RFX3: variants seen among roughly 807,000 people sequenced by gnomAD.
The protein encoded by RFX3 is regulatory factor X3.
A neutral mutation model predicts 98.6 loss-of-function variants in RFX3; 14 were observed. That is an observed-to-expected ratio of 0.14 (90% CI 0.09 to 0.22). The LOEUF is 0.22. Ranked by LOEUF, RFX3 falls within the 10% of genes least tolerant of loss-of-function variation. The pLI, the probability that RFX3 is intolerant of heterozygous loss-of-function variation, is 1.00. For synonymous variants in RFX3, 383 were observed against 328.4 expected (o/e 1.17, Z -1.80); for missense variants, 639 against 926.9 (o/e 0.69, Z 4.03).
intron 2 of RFX3, among the ~76,000 whole-genome samples, chr9:3,362,313 G>A: frequency 6.6e-6 from 1 of 152,094 alleles, no homozygotes; most frequent in East Asian, 1.9e-4. Context: ...ATATTGTATT[G>A]TTAATTTAAA....
intron 1 of RFX3, among the ~76,000 whole-genome samples, chr9:3,469,595 T>C (rs1467577306): frequency 1.3e-5 from 2 of 152,140 alleles, no homozygotes; most frequent in Non-Finnish European, 2.9e-5. Flanking sequence ...TATTATTTTC[T>C]TTGGAACAGC....
intron 1 of RFX3, among the ~76,000 whole-genome samples, chr9:3,493,522 A>C (rs1290176328): frequency 6.6e-6 from 1 of 151,588 alleles, no homozygotes; most frequent in Non-Finnish European, 1.5e-5. Flanking sequence ...ATCTCTACTA[A>C]AAATACAAAA....
chr9:3,490,173 T>G, intron 1 of RFX3: 1 of 247,574 alleles, frequency 4.0e-6, no homozygotes, highest in Non-Finnish European at 6.4e-6. Flanking sequence ...AAAAGAAAAT[T>G]ACTATTGAAA....
intron 1 of RFX3, among the ~76,000 whole-genome samples, chr9:3,399,422 C>A (rs749810812): frequency 6.7e-6 from 1 of 150,368 alleles, no homozygotes; most frequent in Non-Finnish European, 1.5e-5. Flanking sequence ...CCAGCCTGGG[C>A]GACAAGACCA....
chr9:3,257,752 G>T (rs1301549799), intron 13 of RFX3, among the ~76,000 whole-genome samples: 2 of 152,136 alleles, frequency 1.3e-5, no homozygotes, highest in East Asian at 3.8e-4. Context: ...ATATGGATTG[G>T]GAACAGAAAT....
intron 1 of RFX3, among the ~76,000 whole-genome samples, chr9:3,403,539 T>C (rs145966042): frequency 1.2e-4 from 19 of 152,290 alleles, no homozygotes; most frequent in African/African-American, 4.1e-4. Context: ...TGGTAACATA[T>C]ACAGGTTGGC....
At chr9:3,236,065 T>A (rs1199637168) in intron 15 of RFX3, among the ~76,000 whole-genome samples, 1 of 152,194 alleles carries the variant, frequency 6.6e-6, no homozygotes, top group African/African-American at 2.4e-5. Context: ...ATTTGGGACA[T>A]AGCAATTTTT....
intron 2 of RFX3, among the ~76,000 whole-genome samples, chr9:3,390,235 T>C (rs549763746): frequency 6.6e-6 from 1 of 152,182 alleles, no homozygotes; most frequent in South Asian, 2.1e-4. Context: ...GTTGGGGTGG[T>C]ACAGTAAATT....
intron 1 of RFX3, among the ~76,000 whole-genome samples, chr9:3,493,528 C>T (rs952668388): frequency 6.6e-6 from 1 of 151,392 alleles, no homozygotes; most frequent in Non-Finnish European, 1.5e-5. Flanking sequence ...ACTAAAAATA[C>T]AAAAAATTTT....
intron 1 of RFX3, among the ~76,000 whole-genome samples, chr9:3,408,650 C>T (rs1448468959): frequency 2.6e-5 from 4 of 151,258 alleles, no homozygotes; most frequent in African/African-American, 9.7e-5. Context: ...GCACACATGG[C>T]CACACACACA....
chr9:3,366,682 C>CCTCTTTCTTTCCT (rs33979227), intron 2 of RFX3, among the ~76,000 whole-genome samples: 1 of 69,970 alleles, frequency 1.4e-5, no homozygotes, highest in Non-Finnish European at 3.0e-5. Flanking sequence ...CTCTTTCTTT[C>CCTCTTTCTTTCCT]TTCTTTCTTT....
chr9:3,351,188 T>C (rs1664739345), intron 2 of RFX3, among the ~76,000 whole-genome samples: 2 of 151,592 alleles, frequency 1.3e-5, no homozygotes, highest in Admixed American at 1.3e-4. Context: ...TATTCATGTG[T>C]GAAGCGAGGG....
chr9:3,388,549 A>G (rs1442119984), intron 2 of RFX3, among the ~76,000 whole-genome samples: 2 of 152,106 alleles, frequency 1.3e-5, no homozygotes, highest in Admixed American at 1.3e-4. Flanking sequence ...AATGACTCAG[A>G]TTATGAACAA....
At chr9:3,243,382 T>G (rs1820216878) in intron 15 of RFX3, among the ~76,000 whole-genome samples, 1 of 151,146 alleles carries the variant, frequency 6.6e-6, no homozygotes, top group Admixed American at 6.6e-5. Context: ...TACTAGGCAG[T>G]ATTAATGTAG....
chr9:3,347,485 A>G (rs1323345094), intron 2 of RFX3, among the ~76,000 whole-genome samples: 1 of 152,144 alleles, frequency 6.6e-6, no homozygotes, highest in Non-Finnish European at 1.5e-5. Context: ...GTCATCCAAG[A>G]TAAATTATCT....
At chr9:3,375,836 T>TA (rs1192525941) in intron 2 of RFX3, among the ~76,000 whole-genome samples, 2 of 152,140 alleles carry the variant, frequency 1.3e-5, no homozygotes, top group African/African-American at 4.8e-5. Flanking sequence ...GGCACACGCC[T>TA]GTAGTCCCAG....
intron 2 of RFX3, among the ~76,000 whole-genome samples, chr9:3,387,104 C>T (rs1048787455): frequency 2.6e-5 from 4 of 152,008 alleles, no homozygotes; most frequent in African/African-American, 7.2e-5. Flanking sequence ...TTGTGAATTC[C>T]AACTTTTCCT....
intron 2 of RFX3, among the ~76,000 whole-genome samples, chr9:3,366,514 A>C (rs1837091303): frequency 6.6e-6 from 1 of 152,100 alleles, no homozygotes; most frequent in South Asian, 2.1e-4. Context: ...TGATGTGCTT[A>C]TTTATTCCTG....
At chr9:3,274,395 T>A (rs1395996121) in intron 9 of RFX3, among the ~76,000 whole-genome samples, 1 of 152,164 alleles carries the variant, frequency 6.6e-6, no homozygotes, top group Non-Finnish European at 1.5e-5. Flanking sequence ...CTACTTAAAT[T>A]CTAAATAGAC....
Sources: gnomAD v4.1 joint callset for allele counts (sites outside exome capture counted in the v4.1 genomes callset) on GRCh38, gnomAD v4.1.1 for gene constraint, MANE v1.5 for transcripts, NCBI Gene and HGNC (gene_info 2026-07-23, HGNC 2026-07-21) for gene names.